The following PLPP1 variants were observed in gnomAD, a reference collection of about 807,000 sequenced individuals.
PLPP1 encodes lipid phosphate phosphohydrolase 1a.
PLPP1 carries 24 observed loss-of-function variants against 31.2 expected under a neutral mutation model. The ratio of observed to expected loss-of-function variants is 0.77; its 90% CI spans 0.56 to 1.08. The LOEUF (loss-of-function observed/expected upper bound fraction) is 1.08, where lower values mean the gene tolerates loss of function less well. PLPP1 is among the 50% of genes least tolerant of loss of function. PLPP1 has a pLI of 0.00. For synonymous variants in PLPP1, 146 were observed against 126.3 expected (o/e 1.16, Z -1.05); for missense variants, 319 against 342.7 (o/e 0.93, Z 0.55).
rs567788103 is a variant in PLPP1, at chr5:55,489,006, C to A, written c.59-13556G>T. Among the ~76,000 whole-genome samples, 3 of 151,814 alleles carry A rather than the reference C, an allele frequency of 2.0e-5. No individual in the cohort carries two copies. In the South Asian group the frequency reaches 6.3e-4, roughly 32 times the overall value. ...GTCAGGAGTTCAAGACCTGCCTGGC[C>A]AACATGAAGAAACCCCATCTCTACT... On this transcript the variant is annotated intron_variant, in intron 1 of 5. Transcript: ENST00000307259.
At chr5:55,518,501 C>CCT (rs1032588967) in intron 1 of PLPP1, among the ~76,000 whole-genome samples, 6 of 152,126 alleles carry the variant, frequency 3.9e-5, no homozygotes, top group African/African-American at 1.4e-4. Flanking sequence ...CTCATCTTTG[C>CCT]CTCCTCTTTT....
At chr5:55,436,358 TA>T in intron 4 of PLPP1, among the ~76,000 whole-genome samples, 1 of 152,160 alleles carries the variant, frequency 6.6e-6, no homozygotes, top group Non-Finnish European at 1.5e-5. Context: ...CTTGTGATAG[TA>T]AGTCTCACGA....
rs573553671 is a variant in PLPP1 at position 55,522,954 on chromosome 5, G to A, written c.58+11618C>T. The stretch of plus-strand genomic sequence containing the variant: ...AGGATGGTCTTGATCTCCTGACCTC[G>A]TGATCCACCCACGTTGGCCTCCCAA... On this transcript the variant is annotated intron_variant, in intron 1 of 5. Transcript: ENST00000307259. 6.2e-4 allele frequency among the ~76,000 whole-genome samples: 95 copies of A among 152,166 alleles called. 1 individual carries two copies. The highest frequency in any genetic ancestry group is 2.2e-3 in the Admixed American group (33 of 15,278).
chr5:55,507,037 T>C (rs1313148749), intron 1 of PLPP1, among the ~76,000 whole-genome samples: 2 of 152,210 alleles, frequency 1.3e-5, no homozygotes, highest in African/African-American at 4.8e-5. Context: ...CAGAATCACA[T>C]GAAAAATTCT....
At chr5:55,514,022 AT>A (rs1753500674) in intron 1 of PLPP1, among the ~76,000 whole-genome samples, 1 of 152,196 alleles carries the variant, frequency 6.6e-6, no homozygotes. Flanking sequence ...TTGGTATACA[AT>A]TAGTTATCTC....
intron 1 of PLPP1, chr5:55,530,391 G>A: frequency 7.7e-7 from 1 of 1,300,244 alleles, no homozygotes; most frequent in Non-Finnish European, 1.1e-6. Flanking sequence ...ACGCTCTCTG[G>A]TAAAATTTGA....
At chr5:55,506,396 G>T (rs1047061038) in intron 1 of PLPP1, among the ~76,000 whole-genome samples, 1 of 152,072 alleles carries the variant, frequency 6.6e-6, no homozygotes, top group Non-Finnish European at 1.5e-5. Context: ...TACACAGTTG[G>T]TAAGCAGGGA....
chr5:55,433,653 C>T (rs778844551), intron 4 of PLPP1, among the ~76,000 whole-genome samples: 1 of 149,572 alleles, frequency 6.7e-6, no homozygotes, highest in Non-Finnish European at 1.5e-5. Flanking sequence ...GCGCGTGCCA[C>T]CACACCTGGC....
At chr5:55,425,388 C>CAA in intron 5 of PLPP1, 54 bp from the exon 6 acceptor site, 2 of 1,477,956 alleles carry the variant, frequency 1.4e-6, no homozygotes, top group Admixed American at 3.9e-5. Context: ...AAACTACATA[C>CAA]AAAGTTGTGA....
At chr5:55,463,707 A>G (rs1420321025) in intron 3 of PLPP1, among the ~76,000 whole-genome samples, 2 of 151,736 alleles carry the variant, frequency 1.3e-5, no homozygotes, top group East Asian at 3.9e-4. Context: ...TTGACTTTGG[A>G]AGGCCGAGGC....
intron 3 of PLPP1, among the ~76,000 whole-genome samples, chr5:55,452,613 A>G (rs1751916704): frequency 6.6e-6 from 1 of 151,936 alleles, no homozygotes; most frequent in Admixed American, 6.6e-5. Context: ...TCAGCTCCAC[A>G]CCTCTCTTTG....
At chr5:55,482,368 T>C (rs1019473584) in intron 1 of PLPP1, among the ~76,000 whole-genome samples, 2 of 151,976 alleles carry the variant, frequency 1.3e-5, no homozygotes, top group African/African-American at 4.8e-5. Flanking sequence ...ATTTTCATGG[T>C]AGTAGTCATT....
rs767474511 is a variant in PLPP1, at chr5:55,534,583, C to A, written c.47G>T (p.Cys16Phe). Residue 16 changes from cysteine (C) to phenylalanine (F), a missense_variant, in exon 1 of 6, where the codon TGC (cysteine) becomes TTC (phenylalanine). Transcript: ENST00000307259. ...CGGCGCGTACGTACCCAGCAACACG[C>A]AGAGCACATCGAGGGCCACGTACGG... ...RLPYVALDVLCVLLAGLPFAI... is the reference protein window; with the variant it reads ...RLPYVALDVLFVLLAGLPFAI... 1.2e-5 allele frequency: 18 copies of A among 1,554,904 alleles called. No individual in the cohort carries two copies. The highest frequency in any genetic ancestry group is 1.6e-5 in the Non-Finnish European group (18 of 1,152,578).
chr5:55,486,577 C>T (rs577176674), intron 1 of PLPP1, among the ~76,000 whole-genome samples: 1 of 152,000 alleles, frequency 6.6e-6, no homozygotes, highest in South Asian at 2.1e-4. Flanking sequence ...CAGAGCCAGA[C>T]TCCATCTCAA....
chr5:55,427,091 A>G (rs963858450), intron 4 of PLPP1, among the ~76,000 whole-genome samples: 1 of 3,722 alleles, frequency 2.7e-4, no homozygotes, highest in African/African-American at 4.3e-4. Flanking sequence ...TCTCATTAAA[A>G]AAAAAAAAAA....
chr5:55,443,812 AAG>A (rs2111715761), intron 3 of PLPP1, among the ~76,000 whole-genome samples: 1 of 152,336 alleles, frequency 6.6e-6, no homozygotes, highest in South Asian at 2.1e-4. Context: ...ATTAAAAACA[AAG>A]GGGTAATTCT....
At chr5:55,488,306 A>G (rs2111844324) in intron 1 of PLPP1, among the ~76,000 whole-genome samples, 1 of 152,238 alleles carries the variant, frequency 6.6e-6, no homozygotes, top group South Asian at 2.1e-4. Flanking sequence ...AAGTAAAAAA[A>G]CAAAGCACAA....
At chr5:55,455,534 T>C (rs1233513881) in intron 3 of PLPP1, among the ~76,000 whole-genome samples, 1 of 152,174 alleles carries the variant, frequency 6.6e-6, no homozygotes, top group Non-Finnish European at 1.5e-5. Flanking sequence ...AAATGGGAGA[T>C]TGGTTGCACC....
intron 3 of PLPP1, among the ~76,000 whole-genome samples, chr5:55,459,772 C>CATGT (rs1752110726): frequency 6.6e-6 from 1 of 151,910 alleles, no homozygotes; most frequent in Non-Finnish European, 1.5e-5. Context: ...AGATTTTCTT[C>CATGT]AATAACAGCT....
Sources: gnomAD v4.1 joint callset for allele counts (sites outside exome capture counted in the v4.1 genomes callset) on GRCh38, gnomAD v4.1.1 for gene constraint, MANE v1.5 for transcripts, NCBI Gene and HGNC (gene_info 2026-07-23, HGNC 2026-07-21) for gene names.